TDP1: variants seen among roughly 807,000 people sequenced by gnomAD.
TDP1 encodes the protein tyr-DNA phosphodiesterase 1.
TDP1 carries 64 observed loss-of-function variants against 81.5 expected under a neutral mutation model. That is an observed-to-expected ratio of 0.79 (90% CI 0.64 to 0.97). The LOEUF (loss-of-function observed/expected upper bound fraction) is 0.97, where lower values mean the gene tolerates loss of function less well. Among genes scored for constraint, TDP1 ranks in the 50% least tolerant of loss-of-function variants. The pLI, the probability that TDP1 is intolerant of heterozygous loss-of-function variation, is 0.00. For missense variants in TDP1, 723 were observed against 743.8 expected (o/e 0.97, Z 0.33); for synonymous variants, 256 against 264.3 (o/e 0.97, Z 0.30).
chr14:90,003,714 C>T (rs1897381350), intron 14 of TDP1, among the ~76,000 whole-genome samples: 1 of 152,190 alleles, frequency 6.6e-6, no homozygotes, highest in South Asian at 2.1e-4. Flanking sequence ...TGCCTAGCAA[C>T]TGACAGGCAA....
rs555280380 is a variant in TDP1 at position 89,989,773 on chromosome 14, T to C, written c.1366+8T>C. The stretch of plus-strand genomic sequence containing the variant: ...GTTTAGAAGGATATCCTGGTAATTC[T>C]TGGGGAGACTGTCTTGATTGTGTTT... On this transcript the variant is annotated splice_region_variant and intron_variant, in intron 12 of 16. Coordinates refer to ENST00000335725, the MANE Select transcript of TDP1 (RefSeq NM_018319.4). The C allele has an allele frequency of 1.2e-5, 19 of 1,599,478 alleles. No homozygotes were observed. In the South Asian group the frequency reaches 2.0e-4, roughly 17 times the overall value.
intron 6 of TDP1, among the ~76,000 whole-genome samples, chr14:89,973,881 T>TC (rs1347712492): frequency 6.6e-6 from 1 of 151,114 alleles, no homozygotes; most frequent in African/African-American, 2.4e-5. Context: ...TCTTGCCAGC[T>TC]TATAGATGGC....
In TDP1 at chr14:90,043,202, C is replaced by A; in HGVS notation, c.*59C>A. 1 of 1,605,144 alleles carries A rather than the reference C, an allele frequency of 6.2e-7. No homozygotes were observed. The highest frequency in any genetic ancestry group is 8.5e-7 in the Non-Finnish European group (1 of 1,172,548). On this transcript the variant is annotated 3_prime_UTR_variant, in exon 17 of 17. Transcript: ENST00000335725. Reference sequence around the variant, plus strand: ...ACATTGAGCCACAAACATGGAATCTCTTCTTTGTACTGGATGTCCACTTCC... The same window carrying A: ...ACATTGAGCCACAAACATGGAATCTATTCTTTGTACTGGATGTCCACTTCC...
At chr14:90,025,796 C>T (rs1886580060) in intron 15 of TDP1, among the ~76,000 whole-genome samples, 1 of 152,164 alleles carries the variant, frequency 6.6e-6, no homozygotes, top group African/African-American at 2.4e-5. Context: ...GTGAATATAT[C>T]AGGGAGGTAC....
chr14:89,960,713 C>G (rs1400135337), intron 2 of TDP1, among the ~76,000 whole-genome samples: 5 of 152,018 alleles, frequency 3.3e-5, no homozygotes, highest in African/African-American at 1.2e-4. Context: ...AAGAATGGGC[C>G]AGATTATTGT....
At chr14:90,012,909 C>T (rs868780524) in intron 14 of TDP1, among the ~76,000 whole-genome samples, 15 of 152,322 alleles carry the variant, frequency 9.8e-5, no homozygotes, top group African/African-American at 3.6e-4. Context: ...CTTGGATCAG[C>T]GTGACCTGGA....
At chr14:90,040,196 C>T (rs1888227587) in intron 16 of TDP1, among the ~76,000 whole-genome samples, 1 of 152,174 alleles carries the variant, frequency 6.6e-6, no homozygotes, top group South Asian at 2.1e-4. Context: ...TGGTCTCCTC[C>T]CACTGGAAGC....
At chr14:89,959,756 A>T (rs988409610) in intron 2 of TDP1, among the ~76,000 whole-genome samples, 8 of 152,184 alleles carry the variant, frequency 5.3e-5, no homozygotes, top group Admixed American at 5.2e-4. Context: ...TAATGATAAA[A>T]CTTAAAAACC....
chr14:90,043,137 C>G lies in TDP1; in HGVS notation c.1821C>G (p.Pro607=), dbSNP rs759798179. The G allele has an allele frequency of 9.9e-6, 16 of 1,614,168 alleles. No individual in the cohort carries two copies. Among genetic ancestry groups the G allele is most frequent in the Non-Finnish European group, 1.4e-5 (16 of 1,180,028 alleles). ...ATACGCATGGGAACATGTGGGTGCC[C>G]TCCTGAGAATCTTGAGGCACTGTGA... ...APDTHGNMWV[P]S is the part of the protein sequence containing the mutation. The change falls in exon 17 of 17, where the codon CCC becomes CCG. Residue 607 remains proline (P), a synonymous_variant. Transcript: ENST00000335725.
chr14:89,993,014 A>T, intron 13 of TDP1: 1 of 911,066 alleles, frequency 1.1e-6, no homozygotes, highest in Non-Finnish European at 1.3e-6. Flanking sequence ...TACTCATAAC[A>T]CACCGTGGAA....
At chr14:89,999,932 A>G (rs1211726974) in intron 14 of TDP1, among the ~76,000 whole-genome samples, 3 of 152,218 alleles carry the variant, frequency 2.0e-5, no homozygotes, top group African/African-American at 7.2e-5. Flanking sequence ...AAACAATACA[A>G]ATTTACTATC....
Position 90,043,114 on chromosome 14 carries a change from A to C in TDP1, c.1798A>C (p.Thr600Pro). 6.2e-7 allele frequency: 1 copy of C among 1,614,214 alleles called. No individual in the cohort carries two copies. The highest frequency in any genetic ancestry group is 1.1e-5 in the South Asian group (1 of 91,076). The change falls in exon 17 of 17, where the codon ACG becomes CCG. Residue 600 changes from threonine (T) to proline (P), a missense_variant. Transcript: ENST00000335725. ...WNIPYVKAPD[T>P]HGNMWVPS ...CATTCCTTATGTCAAAGCACCGGAT[A>C]CGCATGGGAACATGTGGGTGCCCTC... is the stretch of plus-strand genomic sequence containing the variant.
chr14:90,007,708 T>A (rs1030902942), intron 14 of TDP1, among the ~76,000 whole-genome samples: 5 of 152,014 alleles, frequency 3.3e-5, no homozygotes, highest in African/African-American at 9.7e-5. Context: ...CGGGCTCAAG[T>A]CATCCTTCCA....
intron 7 of TDP1, 139 bp downstream of exon 7, chr14:89,975,954 ATTCTT>A: frequency 1.3e-6 from 1 of 758,178 alleles, no homozygotes; most frequent in East Asian, 2.5e-5. Flanking sequence ...TGGGGGAGCT[ATTCTT>A]TTATTTAATG....
At chr14:89,966,022 CTG>C (rs781170931) in intron 3 of TDP1, 123 bp from the exon 4 acceptor site, 11 of 974,058 alleles carry the variant, frequency 1.1e-5, no homozygotes, top group Non-Finnish European at 1.8e-5. Context: ...TTTGTAGTAA[CTG>C]TTTAGCTTAC....
chr14:89,972,336 T>C (rs1301813340), intron 6 of TDP1, among the ~76,000 whole-genome samples: 1 of 152,134 alleles, frequency 6.6e-6, no homozygotes, highest in African/African-American at 2.4e-5. Context: ...CCAGATATCA[T>C]GAGAACTCTC....
intron 16 of TDP1, among the ~76,000 whole-genome samples, chr14:90,034,993 C>G (rs1471634644): frequency 2.6e-5 from 4 of 151,826 alleles, no homozygotes; most frequent in Non-Finnish European, 4.4e-5. Context: ...TCCCGCTAAC[C>G]ATTCTCAGCT....
At chr14:89,991,609 T>A in intron 12 of TDP1, 4 of 984,972 alleles carry the variant, frequency 4.1e-6, no homozygotes, top group Non-Finnish European at 4.8e-6. Flanking sequence ...TTGTGTTACA[T>A]GAGCCTTATT....
Position 89,963,225 on chromosome 14 carries a change from G to T in TDP1, c.111G>T (p.Arg37Ser), listed in dbSNP as rs778658061. ...KPSTSSLLCA[R>S]QGAANEPRYT... ...CTACCTCTTCTCTTCTCTGTGCCAG[G>T]CAAGGAGCAGCAAATGAGCCCAGGT... Residue 37 changes from arginine to serine, a missense_variant, in exon 3 of 17, where the codon AGG (arginine) becomes AGT (serine). Transcript: ENST00000335725. 1 of 1,614,034 alleles carries T rather than the reference G, an allele frequency of 6.2e-7. No individual in the cohort carries two copies. Among genetic ancestry groups the T allele is most frequent in the Non-Finnish European group, 8.5e-7 (1 of 1,180,032 alleles).
Sources: gnomAD v4.1 joint callset for allele counts (sites outside exome capture counted in the v4.1 genomes callset) on GRCh38, gnomAD v4.1.1 for gene constraint, MANE v1.5 for transcripts, NCBI Gene and HGNC (gene_info 2026-07-23, HGNC 2026-07-21) for gene names.